The following HSF2 variants were observed in gnomAD, a reference collection of about 807,000 sequenced individuals.
HSF2 encodes heat shock factor protein 2.
Under a neutral mutation model 65.0 loss-of-function variants are expected in HSF2, and 21 were observed. That is an observed-to-expected ratio of 0.32 (90% confidence interval 0.23 to 0.47). HSF2 has a LOEUF of 0.47. Ranked by LOEUF, HSF2 falls within the 20% of genes least tolerant of loss-of-function variation. The pLI, the probability that HSF2 is intolerant of heterozygous loss-of-function variation, is 1.00. For synonymous variants in HSF2, 225 were observed against 219.1 expected (o/e 1.03, Z -0.24); for missense variants, 499 against 628.1 (o/e 0.79, Z 2.20).
chr6:122,416,169 GT>G, intron 4 of HSF2, 51 bp from the exon 5 acceptor site: 1 of 1,149,112 alleles, frequency 8.7e-7, no homozygotes, highest in South Asian at 1.3e-5. Context: ...CTATGGTCTG[GT>G]TTTTTGATTG....
intron 10 of HSF2, among the ~76,000 whole-genome samples, chr6:122,424,994 ACT>A (rs1286489457): frequency 6.6e-6 from 1 of 151,908 alleles, no homozygotes; most frequent in African/African-American, 2.4e-5. Flanking sequence ...ATAAGTAATG[ACT>A]CTGTTTCCAA....
At chr6:122,413,189 CT>C (rs1774039725) in intron 3 of HSF2, among the ~76,000 whole-genome samples, 1 of 151,798 alleles carries the variant, frequency 6.6e-6, no homozygotes, top group South Asian at 2.1e-4. Context: ...GAACCTTTTA[CT>C]GCATAAATTT....
chr6:122,415,780 G>A (rs984176029), intron 4 of HSF2, among the ~76,000 whole-genome samples: 5 of 152,102 alleles, frequency 3.3e-5, no homozygotes, highest in Admixed American at 1.3e-4. Flanking sequence ...TTGGGAGGCC[G>A]AGGTGGGTGG....
At chr6:122,418,528 A>C (rs1774169901) in intron 5 of HSF2, among the ~76,000 whole-genome samples, 2 of 152,234 alleles carry the variant, frequency 1.3e-5, no homozygotes, top group Non-Finnish European at 2.9e-5. Context: ...TAAATATTAA[A>C]GATTAGCTTC....
At chr6:122,431,260 G>GTTA (rs1774459082) in intron 11 of HSF2, among the ~76,000 whole-genome samples, 170 bp from the exon 12 acceptor site, 2 of 151,906 alleles carry the variant, frequency 1.3e-5, no homozygotes, top group African/African-American at 4.8e-5. Context: ...TCCTTAACCA[G>GTTA]TCTTGTTATC....
intron 5 of HSF2, among the ~76,000 whole-genome samples, chr6:122,417,342 T>C (rs1774148778): frequency 6.6e-6 from 1 of 152,174 alleles, no homozygotes; most frequent in Non-Finnish European, 1.5e-5. Flanking sequence ...TTAATACTTT[T>C]CAGAAACAGT....
intron 1 of HSF2, among the ~76,000 whole-genome samples, chr6:122,410,193 C>T (rs1773958837): frequency 6.6e-6 from 1 of 151,818 alleles, no homozygotes; most frequent in Non-Finnish European, 1.5e-5. Context: ...AGCATCAATT[C>T]ATCTTTACTC....
intron 7 of HSF2, among the ~76,000 whole-genome samples, chr6:122,421,077 TTA>T (rs1214451245): frequency 2.0e-5 from 3 of 152,068 alleles, no homozygotes; most frequent in Non-Finnish European, 4.4e-5. Context: ...TTTAATGTGA[TTA>T]TATATTCTTA....
At chr6:122,409,758 G>C (rs1773948275) in intron 1 of HSF2, among the ~76,000 whole-genome samples, 1 of 151,960 alleles carries the variant, frequency 6.6e-6, no homozygotes, top group South Asian at 2.1e-4. Flanking sequence ...AGTAGAGATA[G>C]AGTAGGAAGC....
chr6:122,425,768 A>G lies in HSF2; in HGVS notation c.1176+2082A>G, dbSNP rs575350862. 8.7e-4 allele frequency among the ~76,000 whole-genome samples: 132 copies of G among 151,858 alleles called. 7 individuals are homozygous for G. In the South Asian group the frequency reaches 0.026, roughly 30 times the overall value. ...CTTTTTCTGTCTCTCTTCTTTTTCC[A>G]TTCTTCCTCTGTGAAGAGATTTTGG... On this transcript the variant is annotated intron_variant, in intron 10 of 12. Transcript: ENST00000368455.
At chr6:122,399,877 C>A in intron 1 of HSF2, 47 bp downstream of exon 1, 2 of 1,374,548 alleles carry the variant, frequency 1.5e-6, no homozygotes, top group African/African-American at 2.9e-5. Flanking sequence ...ATAACCGCCT[C>A]CTCACTCGCT....
chr6:122,421,009 G>A (rs1774223423), intron 7 of HSF2, among the ~76,000 whole-genome samples: 1 of 151,380 alleles, frequency 6.6e-6, no homozygotes, highest in Non-Finnish European at 1.5e-5. Context: ...ACTGCACCTG[G>A]CTTACTCATT....
At chr6:122,420,654 G>T (rs181099913) in intron 7 of HSF2, among the ~76,000 whole-genome samples, 208 of 73,282 alleles carry the variant, frequency 2.8e-3, no homozygotes, top group African/African-American at 0.01. Flanking sequence ...TTAACTTGAT[G>T]TTGCTTTTGA....
intron 1 of HSF2, among the ~76,000 whole-genome samples, chr6:122,406,430 G>A (rs1773868554): frequency 6.6e-6 from 1 of 152,116 alleles, no homozygotes; most frequent in Non-Finnish European, 1.5e-5. Context: ...AGAGTAGGGA[G>A]GTAGGCAGGA....
chr6:122,420,094 T>G (rs370846694), intron 6 of HSF2, 41 bp from the exon 7 acceptor site: 2 of 1,559,658 alleles, frequency 1.3e-6, no homozygotes, highest in Non-Finnish European at 1.7e-6. Flanking sequence ...AAATTCATTG[T>G]ATGTTTGCTT....
chr6:122,431,551 T>A, intron 12 of HSF2, 37 bp downstream of exon 12: 1 of 1,212,050 alleles, frequency 8.3e-7, no homozygotes, highest in Non-Finnish European at 1.2e-6. Flanking sequence ...CTGTAGGTTT[T>A]TTTAATCCTA....
rs45600845 is a variant in HSF2, at chr6:122,426,006, G to T, written c.1177-1897G>T. On this transcript the variant is annotated intron_variant, in intron 10 of 12. Transcript: ENST00000368455. ...GGTATTACTTCTATTTACTTAGGAG[G>T]ATAGTTATCACAGAATCACCTTGAA... Among the ~76,000 whole-genome samples, 59 of 152,030 alleles carry T rather than the reference G, an allele frequency of 3.9e-4. No individual in the cohort carries two copies. The East Asian group carries it at 0.011, about 29-fold the overall frequency.
intron 7 of HSF2, among the ~76,000 whole-genome samples, chr6:122,421,877 T>C (rs937826457): frequency 6.6e-6 from 1 of 152,120 alleles, no homozygotes; most frequent in African/African-American, 2.4e-5. Context: ...TGAAGATCTT[T>C]CCATAGAAAC....
intron 1 of HSF2, among the ~76,000 whole-genome samples, chr6:122,410,913 TTTTTTTTGTTTTG>T (rs1194047071): frequency 6.7e-6 from 1 of 149,406 alleles, no homozygotes; most frequent in African/African-American, 2.4e-5. Flanking sequence ...GCTTTTATGG[TTTTTTTTGTTTTG>T]TTTTTTTGTT....
Sources: allele counts gnomAD v4.1 joint callset (sites outside exome capture counted in the v4.1 genomes callset), GRCh38; gene constraint gnomAD v4.1.1; transcripts MANE v1.5; gene names NCBI Gene and HGNC (gene_info 2026-07-23, HGNC 2026-07-21).